REC114: variants seen among roughly 807,000 people sequenced by gnomAD.
REC114 encodes the protein REC114 meiotic recombination protein.
In REC114, 27 loss-of-function variants were observed where a neutral mutation model predicts 31.3. The ratio of observed to expected loss-of-function variants is 0.86; its 90% CI spans 0.64 to 1.19. The LOEUF is 1.19. Ranked by LOEUF, REC114 falls within the 50% of genes most tolerant of loss-of-function variation. REC114 has a pLI of 0.00. For synonymous variants in REC114, 134 were observed against 127.7 expected (o/e 1.05, Z -0.33); for missense variants, 344 against 326.9 (o/e 1.05, Z -0.40).
At chr15:73,468,124 AT>A (rs1210933232) in intron 1 of REC114, among the ~76,000 whole-genome samples, 3 of 152,218 alleles carry the variant, frequency 2.0e-5, no homozygotes, top group Non-Finnish European at 2.9e-5. Flanking sequence ...TCCCTTTGCT[AT>A]GTAAGATAAC....
At chr15:73,513,042 TCCAA>T (rs1256791290) in intron 2 of REC114, among the ~76,000 whole-genome samples, 6 of 150,940 alleles carry the variant, frequency 4.0e-5, no homozygotes, top group Non-Finnish European at 8.9e-5. Context: ...CAGAGTGTTT[TCCAA>T]CTTGGTTCCA....
At chr15:73,477,805 GTATTAA>G (rs1277640605) in intron 2 of REC114, among the ~76,000 whole-genome samples, 1 of 151,994 alleles carries the variant, frequency 6.6e-6, no homozygotes, top group Non-Finnish European at 1.5e-5. Context: ...AATTTTTTTA[GTATTAA>G]TATTTTTATT....
intron 2 of REC114, among the ~76,000 whole-genome samples, chr15:73,490,770 AC>A (rs917585379): frequency 2.6e-5 from 4 of 152,094 alleles, no homozygotes; most frequent in Non-Finnish European, 5.9e-5. Context: ...AACTATATAA[AC>A]CATCACAATC....
chr15:73,480,716 C>T lies in REC114; in HGVS notation c.249+6795C>T, dbSNP rs190920932. ...TTTTTGAGATGGAGTCTCACTCTTT[C>T]GCCCAGGCTGGGATGCAGTGGTATG... On this transcript the variant is annotated intron_variant, in intron 2 of 5. Coordinates refer to ENST00000331090, the MANE Select transcript of REC114 (RefSeq NM_001042367.2). Among the ~76,000 whole-genome samples the T allele has an allele frequency of 2.1e-3, 313 of 152,292 alleles. 1 individual carries two copies. Among genetic ancestry groups the T allele is most frequent in the African/African-American group, 6.2e-3 (258 of 41,558 alleles).
intron 3 of REC114, among the ~76,000 whole-genome samples, chr15:73,542,162 C>CT (rs1401671524): frequency 6.6e-6 from 1 of 151,688 alleles, no homozygotes; most frequent in Non-Finnish European, 1.5e-5. Context: ...GAAACCCCAT[C>CT]TTTTTTAAAA....
intron 1 of REC114, among the ~76,000 whole-genome samples, chr15:73,450,526 A>T (rs1892829442): frequency 6.6e-6 from 1 of 152,216 alleles, no homozygotes; most frequent in Admixed American, 6.5e-5. Flanking sequence ...ACTTCCACAC[A>T]ATAATAGTGG....
intron 1 of REC114, among the ~76,000 whole-genome samples, chr15:73,448,994 A>G (rs1892805602): frequency 6.6e-6 from 1 of 152,216 alleles, no homozygotes; most frequent in South Asian, 2.1e-4. Flanking sequence ...CCCAAAGGTC[A>G]CCAACATCAA....
At chr15:73,542,962 T>TTA (rs1555404585) in intron 3 of REC114, among the ~76,000 whole-genome samples, 11 of 122,018 alleles carry the variant, frequency 9.0e-5, no homozygotes, top group East Asian at 4.8e-4. Context: ...TTTTTTTTTT[T>TTA]ATATAAATTT....
At chr15:73,469,648 T>C (rs1893106552) in intron 1 of REC114, among the ~76,000 whole-genome samples, 1 of 150,910 alleles carries the variant, frequency 6.6e-6, no homozygotes, top group Non-Finnish European at 1.5e-5. Flanking sequence ...CAGGCTGATC[T>C]CAAATTCCTG....
intron 1 of REC114, among the ~76,000 whole-genome samples, chr15:73,451,292 A>G (rs1039328879): frequency 5.3e-5 from 8 of 152,228 alleles, no homozygotes; most frequent in African/African-American, 1.9e-4. Context: ...AAAATGATAA[A>G]GGGGCTGTCA....
chr15:73,491,501 AT>A (rs770657131), intron 2 of REC114, among the ~76,000 whole-genome samples: 63 of 152,236 alleles, frequency 4.1e-4, no homozygotes, highest in Non-Finnish European at 7.4e-4. Flanking sequence ...TATTATCTTA[AT>A]TTCTTTTGGG....
At chr15:73,476,695 G>T (rs1893219675) in intron 2 of REC114, among the ~76,000 whole-genome samples, 1 of 152,090 alleles carries the variant, frequency 6.6e-6, no homozygotes, top group South Asian at 2.1e-4. Context: ...CATCTCTGTT[G>T]TTCCATGTTA....
At chr15:73,452,162 G>C (rs1012281832) in intron 1 of REC114, among the ~76,000 whole-genome samples, 57 of 152,154 alleles carry the variant, frequency 3.7e-4, no homozygotes, top group Non-Finnish European at 1.9e-4. Context: ...AGAAATAAAG[G>C]GTATTCAGAT....
intron 2 of REC114, among the ~76,000 whole-genome samples, chr15:73,480,832 C>T (rs943402450): frequency 6.6e-6 from 1 of 152,124 alleles, no homozygotes; most frequent in African/African-American, 2.4e-5. Context: ...TGCCCACCAC[C>T]ACACCCAGCT....
chr15:73,475,534 C>T (rs1022270047), intron 2 of REC114, among the ~76,000 whole-genome samples: 2 of 151,848 alleles, frequency 1.3e-5, no homozygotes, highest in Non-Finnish European at 2.9e-5. Flanking sequence ...TTTTAAAATA[C>T]AATGATTTTA....
At chr15:73,456,523 C>T (rs1892917642) in intron 1 of REC114, among the ~76,000 whole-genome samples, 1 of 151,972 alleles carries the variant, frequency 6.6e-6, no homozygotes, top group Non-Finnish European at 1.5e-5. Flanking sequence ...TTTCATATTC[C>T]TAGTGCCTAC....
chr15:73,455,231 A>T (rs1892900195), intron 1 of REC114, among the ~76,000 whole-genome samples: 3 of 152,224 alleles, frequency 2.0e-5, no homozygotes, highest in African/African-American at 4.8e-5. Context: ...GTACTCTCTA[A>T]GTCTCATGTG....
chr15:73,550,691 T>C (rs866788123), intron 3 of REC114, among the ~76,000 whole-genome samples: 10 of 152,218 alleles, frequency 6.6e-5, no homozygotes, highest in South Asian at 2.1e-4. Context: ...CTTTATGATA[T>C]GAGCTTTTCC....
intron 1 of REC114, among the ~76,000 whole-genome samples, chr15:73,467,402 C>A (rs1893077234): frequency 6.6e-6 from 1 of 152,162 alleles, no homozygotes; most frequent in South Asian, 2.1e-4. Flanking sequence ...TTTGGTATGT[C>A]ACTAATTATA....
Sources: allele counts gnomAD v4.1 joint callset (sites outside exome capture counted in the v4.1 genomes callset), GRCh38; gene constraint gnomAD v4.1.1; transcripts MANE v1.5; gene names NCBI Gene and HGNC (gene_info 2026-07-23, HGNC 2026-07-21).